IL31RA: variants seen among roughly 807,000 people sequenced by gnomAD.
The protein encoded by IL31RA is interleukin-31 receptor subunit alpha.
Under a neutral mutation model 83.7 loss-of-function variants are expected in IL31RA, and 66 were observed. The observed-to-expected ratio is 0.79, with a 90% CI of 0.65 to 0.97. The LOEUF is 0.97. IL31RA is among the 50% of genes least tolerant of loss of function. The probability of loss-of-function intolerance (pLI) is 0.00; values close to 1 mark genes in which losing one functional copy is unlikely to be tolerated. For synonymous variants in IL31RA, 325 were observed against 329.0 expected (o/e 0.99, Z 0.13); for missense variants, 798 against 919.4 (o/e 0.87, Z 1.71).
intron 4 of IL31RA, among the ~76,000 whole-genome samples, chr5:55,882,046 C>T (rs1580693727): frequency 6.6e-6 from 1 of 152,104 alleles, no homozygotes; most frequent in Non-Finnish European, 1.5e-5. Context: ...CTGCCAATCA[C>T]CAGTTACAGG....
chr5:55,907,441 G>A lies in IL31RA; in HGVS notation c.1335G>A (p.Gln445=), dbSNP rs1218674920. The part of the protein sequence containing the change: ...HDKVGEPYSI[Q]AYAKEGVPSE... Reference sequence around the variant, plus strand: ...AAGTTGGCGAGCCATATTCCATCCAGGCTTATGCCAAAGAAGGCGGTATGA... The same window carrying A: ...AAGTTGGCGAGCCATATTCCATCCAAGCTTATGCCAAAGAAGGCGGTATGA... The change falls in exon 10 of 15, where the codon CAG becomes CAA. Residue 445 remains glutamine (Q), a synonymous_variant. Transcript: ENST00000652347. The A allele has an allele frequency of 6.2e-7, 1 of 1,611,816 alleles. No homozygotes were observed. The highest frequency in any genetic ancestry group is 1.7e-5 in the Admixed American group (1 of 60,028).
chr5:55,872,121 T>G lies in IL31RA; in HGVS notation c.273-149T>G, dbSNP rs1746546039. ...CTTTCCTTGGAGGTGAGGAAGGAATTTGGAAAGAGGATAACCAAATATCCT... is the reference window on the plus strand; with the variant it reads ...CTTTCCTTGGAGGTGAGGAAGGAATGTGGAAAGAGGATAACCAAATATCCT... On this transcript the variant is annotated intron_variant, in intron 3 of 14. Coordinates refer to ENST00000652347, the MANE Select transcript of IL31RA (RefSeq NM_139017.7). The G allele has an allele frequency of 6.2e-6, 4 of 641,464 alleles. No individual in the cohort carries two copies. The Admixed American group carries it at 1.1e-4, about 17-fold the overall frequency. 39.7% of individuals were successfully genotyped at this position (641,464 alleles called of 1,614,324 possible). A position where few individuals can be genotyped will look rare whatever the true frequency, so the allele number is the denominator to read the frequency against.
At chr5:55,908,703 G>A (rs535143977) in intron 11 of IL31RA, 874 of 1,462,480 alleles carry the variant, frequency 6.0e-4, no homozygotes, top group Non-Finnish European at 7.4e-4. Flanking sequence ...GGAGCTCCCC[G>A]ACCATCATTC....
At chr5:55,886,488 G>C (rs1279209958) in intron 5 of IL31RA, among the ~76,000 whole-genome samples, 1 of 151,814 alleles carries the variant, frequency 6.6e-6, no homozygotes, top group Non-Finnish European at 1.5e-5. Flanking sequence ...TGGTCAGGCT[G>C]GTCTCGAACC....
chr5:55,898,359 C>T (rs1041120391), intron 7 of IL31RA, among the ~76,000 whole-genome samples: 2 of 141,376 alleles, frequency 1.4e-5, no homozygotes, highest in Non-Finnish European at 3.0e-5. Context: ...AAAGAGCTCT[C>T]TAAGAATTTG....
chr5:55,861,281 A>C (rs1411476715), intron 2 of IL31RA, among the ~76,000 whole-genome samples: 1 of 152,122 alleles, frequency 6.6e-6, no homozygotes, highest in Non-Finnish European at 1.5e-5. Flanking sequence ...CAGGAGCTTG[A>C]TAGACCAGGG....
intron 6 of IL31RA, among the ~76,000 whole-genome samples, chr5:55,895,001 G>T (rs1339880758): frequency 6.6e-6 from 1 of 152,214 alleles, no homozygotes; most frequent in African/African-American, 2.4e-5. Flanking sequence ...ACAGGCATGA[G>T]CCACCGTGCC....
Position 55,922,435 on chromosome 5 carries a change from G to A in IL31RA, c.*5315G>A, listed in dbSNP as rs73120406. 4.0e-3 allele frequency: 6,273 copies of A among 1,550,370 alleles called. 210 individuals are homozygous for A. In the African/African-American group the frequency reaches 0.074, roughly 18 times the overall value. On this transcript the variant is annotated 3_prime_UTR_variant, in exon 15 of 15. Coordinates refer to ENST00000652347, the MANE Select transcript of IL31RA (RefSeq NM_139017.7). ...CTTCCTGCCCAACTTCAATATAAGT[G>A]TGGACTAAAATGCGAGAAAGGTGTC...
At chr5:55,881,163 G>C (rs912151128) in intron 4 of IL31RA, among the ~76,000 whole-genome samples, 1 of 152,006 alleles carries the variant, frequency 6.6e-6, no homozygotes, top group Non-Finnish European at 1.5e-5. Flanking sequence ...TTAGCTGGGC[G>C]TGGTGGCAGA....
In IL31RA at chr5:55,918,149, G is replaced by A. The variant is rs572345210; in HGVS notation, c.*1029G>A. Among the ~76,000 whole-genome samples the A allele has an allele frequency of 2.5e-4, 38 of 152,242 alleles. 1 individual carries two copies. The South Asian group carries it at 3.9e-3, about 16-fold the overall frequency. On this transcript the variant is annotated 3_prime_UTR_variant, in exon 15 of 15. Transcript: ENST00000652347. ...TGGCTTCAGCACTGAGATAGTACTGGGCTCCTCCTGTAACTATAGTGACAG... is the reference window on the plus strand; with the variant it reads ...TGGCTTCAGCACTGAGATAGTACTGAGCTCCTCCTGTAACTATAGTGACAG...
chr5:55,862,306 A>C lies in IL31RA; in HGVS notation c.154+2707A>C, dbSNP rs373401278. On this transcript the variant is annotated intron_variant, in intron 2 of 14. Coordinates refer to ENST00000652347, the MANE Select transcript of IL31RA (RefSeq NM_139017.7). ...TCTTATAATACAATAAAAATTTGCC[A>C]AAACTAAGAAATTGATTTTGGCACA... Among the ~76,000 whole-genome samples the C allele has an allele frequency of 4.3e-4, 66 of 152,390 alleles. No homozygotes were observed. In the East Asian group the frequency reaches 7.3e-3, roughly 17 times the overall value.
the IL31RA span, among the ~76,000 whole-genome samples, chr5:55,846,150 A>G: frequency 6.6e-6 from 1 of 152,108 alleles, no homozygotes; most frequent in Non-Finnish European, 1.5e-5. Flanking sequence ...TGTCTCTCCA[A>G]TTTTGGGGAC....
chr5:55,899,307 G>A (rs976380140), intron 7 of IL31RA, among the ~76,000 whole-genome samples: 5 of 152,322 alleles, frequency 3.3e-5, no homozygotes, highest in South Asian at 2.1e-4. Context: ...TGTCTGGTGA[G>A]TGGGCCCAAG....
At chr5:55,913,267 T>G (rs764273852) in intron 12 of IL31RA, among the ~76,000 whole-genome samples, 6 of 152,178 alleles carry the variant, frequency 3.9e-5, no homozygotes, top group Admixed American at 6.5e-5. Context: ...ATTTTTTGTA[T>G]CTTTAGTAGA....
intron 3 of IL31RA, among the ~76,000 whole-genome samples, chr5:55,871,830 T>C (rs1242930638): frequency 6.6e-6 from 1 of 152,020 alleles, no homozygotes; most frequent in Non-Finnish European, 1.5e-5. Flanking sequence ...AAACCATCAC[T>C]TACATTCTAT....
At chr5:55,880,771 G>A (rs2112426425) in intron 4 of IL31RA, among the ~76,000 whole-genome samples, 1 of 152,314 alleles carries the variant, frequency 6.6e-6, no homozygotes, top group Non-Finnish European at 1.5e-5. Flanking sequence ...CCTGCTAAAT[G>A]TCAGGTGTTA....
intron 2 of IL31RA, among the ~76,000 whole-genome samples, chr5:55,861,827 C>CA (rs1295298926): frequency 2.6e-5 from 4 of 152,172 alleles, no homozygotes. Flanking sequence ...CTCCAATATC[C>CA]ACCATTCTTT....
rs34197254 is a variant in IL31RA at position 55,875,426 on chromosome 5, G to A, written c.454+2975G>A. 0.027 allele frequency among the ~76,000 whole-genome samples: 4,167 copies of A among 152,212 alleles called. 334 individuals carry two copies. In the East Asian group the frequency reaches 0.31, roughly 11 times the overall value. ...CTATTTTTTGGAAAAGTCTGTGAAA[G>A]ACTAGTGTTAATTATTTTTAAACCT... is the stretch of plus-strand genomic sequence containing the variant. On this transcript the variant is annotated intron_variant, in intron 4 of 14. Transcript: ENST00000652347.
At position 55,851,653 on chromosome 5, in the gene IL31RA, G is replaced by A. The variant is rs1326005563; in HGVS notation, c.63+20G>A. ...AACATTGTGAGTATTGATTTGGGGG[G>A]TTACAAATAATTCCTAGCAAGTAGG... On this transcript the variant is annotated intron_variant, in intron 1 of 14. Transcript: ENST00000652347. 3 of 1,613,816 alleles carry A rather than the reference G, an allele frequency of 1.9e-6. No individual in the cohort carries two copies. Among genetic ancestry groups the A allele is most frequent in the South Asian group, 1.1e-5 (1 of 91,076 alleles).
Sources: allele counts gnomAD v4.1 joint callset (sites outside exome capture counted in the v4.1 genomes callset), GRCh38; gene constraint gnomAD v4.1.1; transcripts MANE v1.5; gene names NCBI Gene and HGNC (gene_info 2026-07-23, HGNC 2026-07-21).